CEP112: variants seen among roughly 807,000 people sequenced by gnomAD.
CEP112 encodes centrosomal protein 112.
CEP112 carries 127 observed loss-of-function variants against 153.0 expected under a neutral mutation model. That is an observed-to-expected ratio of 0.83 (90% CI 0.72 to 0.96). The LOEUF is 0.96. CEP112 is among the 40% of genes least tolerant of loss of function. CEP112 has a pLI of 0.00. For synonymous variants in CEP112, 358 were observed against 374.4 expected, an observed-to-expected ratio of 0.96 and a Z score of 0.51; for missense variants, 1,089 against 1,101.2, an observed-to-expected ratio of 0.99 and a Z score of 0.16.
intron 20 of CEP112, among the ~76,000 whole-genome samples, chr17:65,890,006 A>T (rs2059407912): frequency 6.6e-6 from 1 of 152,190 alleles, no homozygotes; most frequent in Admixed American, 6.6e-5. Context: ...TAAAATATAC[A>T]GTGCGCGTAT....
intron 19 of CEP112, among the ~76,000 whole-genome samples, chr17:65,915,515 G>A (rs2143921482): frequency 6.6e-6 from 1 of 152,280 alleles, no homozygotes; most frequent in Non-Finnish European, 1.5e-5. Context: ...GCCGGGTGCA[G>A]TAGCTCACGC....
At chr17:66,177,719 C>T (rs2072546801) in intron 2 of CEP112, among the ~76,000 whole-genome samples, 1 of 152,002 alleles carries the variant, frequency 6.6e-6, no homozygotes, top group Non-Finnish European at 1.5e-5. Flanking sequence ...TTCCTCCCCA[C>T]CCATCCTTCC....
At chr17:65,969,951 G>C (rs995897456) in intron 17 of CEP112, among the ~76,000 whole-genome samples, 3 of 152,042 alleles carry the variant, frequency 2.0e-5, no homozygotes, top group Non-Finnish European at 4.4e-5. Context: ...CATATCACAG[G>C]TATATTAAAT....
intron 8 of CEP112, among the ~76,000 whole-genome samples, chr17:66,080,425 C>G (rs963560188): frequency 3.3e-5 from 5 of 152,198 alleles, no homozygotes; most frequent in African/African-American, 7.2e-5. Context: ...CTCATCATCA[C>G]TGGTCATTAG....
At chr17:66,133,436 C>G (rs947892066) in intron 4 of CEP112, among the ~76,000 whole-genome samples, 7 of 152,100 alleles carry the variant, frequency 4.6e-5, no homozygotes, top group African/African-American at 1.7e-4. Context: ...ATGTCAGAAA[C>G]CACAGATATA....
At chr17:66,031,938 G>A (rs2065505358) in intron 12 of CEP112, among the ~76,000 whole-genome samples, 1 of 152,128 alleles carries the variant, frequency 6.6e-6, no homozygotes, top group South Asian at 2.1e-4. Context: ...AGGACTTGAG[G>A]ACACAAGATC....
chr17:66,113,143 T>C (rs192770858), intron 6 of CEP112, among the ~76,000 whole-genome samples: 1 of 147,234 alleles, frequency 6.8e-6, no homozygotes, highest in Admixed American at 6.7e-5. Context: ...ACTTGAAAAA[T>C]AGAGGCAGCA....
At chr17:65,822,318 G>T (rs899646730) in intron 21 of CEP112, among the ~76,000 whole-genome samples, 1 of 152,056 alleles carries the variant, frequency 6.6e-6, no homozygotes, top group African/African-American at 2.4e-5. Context: ...ACCCACAGGG[G>T]ATTGGTTCCA....
At chr17:65,778,977 G>C (rs1004007836) in intron 21 of CEP112, among the ~76,000 whole-genome samples, 3 of 150,524 alleles carry the variant, frequency 2.0e-5, no homozygotes, top group Non-Finnish European at 3.0e-5. Context: ...TTCACCCTGG[G>C]TGACAGAGCA....
chr17:65,691,131 A>C (rs2048087449), intron 23 of CEP112, among the ~76,000 whole-genome samples: 1 of 152,070 alleles, frequency 6.6e-6, no homozygotes. Flanking sequence ...AGGAGCTAAG[A>C]CTGCAGTTGG....
At chr17:66,136,006 T>C (rs893931080) in intron 4 of CEP112, among the ~76,000 whole-genome samples, 1 of 152,110 alleles carries the variant, frequency 6.6e-6, no homozygotes, top group Non-Finnish European at 1.5e-5. Context: ...TAGACCAAAA[T>C]TTCCTTTGTG....
At chr17:65,802,518 C>G (rs1165921999) in intron 21 of CEP112, among the ~76,000 whole-genome samples, 1 of 152,176 alleles carries the variant, frequency 6.6e-6, no homozygotes, top group Non-Finnish European at 1.5e-5. Context: ...TTAAACCACT[C>G]ACCCACTCAG....
chr17:65,713,935 G>GAAC (rs1156342471), intron 23 of CEP112, among the ~76,000 whole-genome samples: 1 of 146,160 alleles, frequency 6.8e-6, no homozygotes, highest in African/African-American at 2.7e-5. Context: ...AGGAGCTGAA[G>GAAC]AACACCAAAG....
chr17:65,743,152 A>G lies in CEP112; in HGVS notation c.2523T>C (p.Ala841=). 1 of 1,613,390 alleles carries G rather than the reference A, an allele frequency of 6.2e-7. No individual in the cohort carries two copies. Among genetic ancestry groups the G allele is most frequent in the Non-Finnish European group, 8.5e-7 (1 of 1,179,702 alleles). The change falls in exon 23 of 27, where the codon GCT becomes GCC. Residue 841 remains alanine (A), a synonymous_variant. Coordinates refer to ENST00000535342, the MANE Select transcript of CEP112 (RefSeq NM_001199165.4). The part of the protein sequence containing the change: ...LKEENSQQQL[A]AERRLQDVRQ... ...TAACATCCTGGAGCCGCCTTTCTGC[A>G]GCAAGCTGCTGCTGGCTGTTCTCTT...
At chr17:65,787,040 C>G (rs1179964123) in intron 21 of CEP112, among the ~76,000 whole-genome samples, 1 of 152,164 alleles carries the variant, frequency 6.6e-6, no homozygotes, top group Non-Finnish European at 1.5e-5. Context: ...TTTATGTGCT[C>G]TCTATTCTGT....
Position 66,161,269 on chromosome 17 carries a change from G to C in CEP112, c.470+13775C>G, listed in dbSNP as rs533426206. On this transcript the variant is annotated intron_variant, in intron 4 of 26. Transcript: ENST00000535342. ...ATTAGTTCAACCATTGCAGAAGACA[G>C]TGTGGAAATTCCTCAAGGATCTAGA... 3.3e-5 allele frequency among the ~76,000 whole-genome samples: 5 copies of C among 152,308 alleles called. No homozygotes were observed. In the South Asian group the frequency reaches 1.0e-3, roughly 32 times the overall value.
intron 23 of CEP112, among the ~76,000 whole-genome samples, chr17:65,699,058 T>C (rs1168657798): frequency 6.6e-6 from 1 of 152,230 alleles, no homozygotes; most frequent in Admixed American, 6.5e-5. Context: ...CCATGAAATA[T>C]TTCAAATACA....
At chr17:65,710,460 T>C (rs1050087002) in intron 23 of CEP112, among the ~76,000 whole-genome samples, 1 of 152,200 alleles carries the variant, frequency 6.6e-6, no homozygotes, top group South Asian at 2.1e-4. Context: ...AGGGATTTGG[T>C]GAGGTATGAG....
chr17:65,927,383 ACAGT>A (rs1452361990), intron 19 of CEP112, among the ~76,000 whole-genome samples, 195 bp downstream of exon 19: 5 of 152,174 alleles, frequency 3.3e-5, no homozygotes, highest in East Asian at 1.9e-4. Flanking sequence ...GATAAAACAA[ACAGT>A]CAGAATAAAC....
Sources: allele counts gnomAD v4.1 joint callset (sites outside exome capture counted in the v4.1 genomes callset), GRCh38; gene constraint gnomAD v4.1.1; transcripts MANE v1.5; gene names NCBI Gene and HGNC (gene_info 2026-07-23, HGNC 2026-07-21).